The following NTM variants were observed in gnomAD, a reference collection of about 807,000 sequenced individuals.
NTM encodes the protein neurotrimin, also known as IgLON family member 2.
Under a neutral mutation model 42.1 loss-of-function variants are expected in NTM, and 13 were observed. That is an observed-to-expected ratio of 0.31 (90% CI 0.20 to 0.49). The LOEUF (loss-of-function observed/expected upper bound fraction) is 0.49. Ranked by LOEUF, NTM falls within the 20% of genes least tolerant of loss-of-function variation. NTM has a pLI of 0.99. For missense variants in NTM, 373 were observed against 452.8 expected (o/e 0.82, Z 1.60); for synonymous variants, 187 against 179.2 (o/e 1.04, Z -0.35).
intron 1 of NTM, among the ~76,000 whole-genome samples, chr11:131,905,162 G>A (rs2053678789): frequency 6.6e-6 from 1 of 152,180 alleles, no homozygotes; most frequent in African/African-American, 2.4e-5. Flanking sequence ...GCAGTACTGA[G>A]CAGTAGGTAC....
intron 1 of NTM, among the ~76,000 whole-genome samples, chr11:131,596,876 A>G (rs547453857): frequency 1.2e-4 from 18 of 152,240 alleles, no homozygotes; most frequent in Non-Finnish European, 1.6e-4. Flanking sequence ...ACAATAGGCC[A>G]TCTGCAGGCT....
intron 1 of NTM, among the ~76,000 whole-genome samples, chr11:131,789,840 C>T (rs1191876785): frequency 1.3e-5 from 2 of 150,400 alleles, no homozygotes; most frequent in Non-Finnish European, 3.0e-5. Context: ...CCTGTAGTCC[C>T]AGCTACACGG....
chr11:131,754,737 A>C (rs2083097883), intron 1 of NTM, among the ~76,000 whole-genome samples: 2 of 152,244 alleles, frequency 1.3e-5, no homozygotes, highest in Admixed American at 1.3e-4. Context: ...TTGTACACAA[A>C]TGTTCATAGC....
chr11:131,516,003 C>T (rs981979669), intron 1 of NTM, among the ~76,000 whole-genome samples: 6 of 152,162 alleles, frequency 3.9e-5, no homozygotes, highest in Non-Finnish European at 8.8e-5. Flanking sequence ...ACTTGCTAAA[C>T]TTTGTCACTT....
chr11:131,997,602 A>G (rs944476691), intron 2 of NTM, among the ~76,000 whole-genome samples: 5 of 152,166 alleles, frequency 3.3e-5, no homozygotes, highest in African/African-American at 4.8e-5. Context: ...TTTCTGAACC[A>G]TGTGGAACAC....
At chr11:132,298,893 TACACAC>T (rs58560034) in intron 4 of NTM, among the ~76,000 whole-genome samples, 2 of 151,178 alleles carry the variant, frequency 1.3e-5, no homozygotes, top group Non-Finnish European at 3.0e-5. Context: ...TATGTGTGTA[TACACAC>T]ACACACACAC....
At chr11:131,894,415 T>A (rs1347782073) in intron 1 of NTM, among the ~76,000 whole-genome samples, 4 of 152,168 alleles carry the variant, frequency 2.6e-5, no homozygotes, top group Non-Finnish European at 4.4e-5. Context: ...TTGGGAAGAT[T>A]TATGAGCTCT....
intron 2 of NTM, among the ~76,000 whole-genome samples, chr11:131,919,499 C>T (rs1027657762): frequency 1.3e-5 from 2 of 152,090 alleles, no homozygotes; most frequent in African/African-American, 4.8e-5. Flanking sequence ...ATCTCCAACA[C>T]ACAAGACCTT....
chr11:132,133,607 GAC>G (rs2067219903), intron 2 of NTM, among the ~76,000 whole-genome samples: 1 of 152,110 alleles, frequency 6.6e-6, no homozygotes, highest in South Asian at 2.1e-4. Context: ...AGAGACCCCT[GAC>G]ACACAGCCCT....
chr11:131,794,059 C>G (rs985116429), intron 1 of NTM, among the ~76,000 whole-genome samples: 1 of 152,222 alleles, frequency 6.6e-6, no homozygotes, highest in Non-Finnish European at 1.5e-5. Flanking sequence ...GGTGTAATCA[C>G]TTCAGACTAC....
chr11:132,039,118 C>T lies in NTM; in HGVS notation c.168-107164C>T, dbSNP rs918041063. ...ACTCTGCCCAGGGAGATGGGTGAGG[C>T]CCGGCCCTTTGGGCTTTGAGGTCTG... On this transcript the variant is annotated intron_variant, in intron 2 of 8. Coordinates refer to ENST00000683400, the MANE Select transcript of NTM (RefSeq NM_001352005.2). 2.0e-5 allele frequency among the ~76,000 whole-genome samples: 3 copies of T among 152,318 alleles called. No homozygotes were observed. The South Asian group carries it at 6.2e-4, about 32-fold the overall frequency.
intron 1 of NTM, among the ~76,000 whole-genome samples, chr11:131,410,517 C>CAAAAAAAAAAAAAAAAAAAAAA (rs1161389222): frequency 3.1e-5 from 1 of 32,754 alleles, no homozygotes; most frequent in Non-Finnish European, 5.0e-5. Context: ...AAACAATAAC[C>CAAAAAAAAAAAAAAAAAAAAAA]AAAAAAAAAA....
intron 2 of NTM, among the ~76,000 whole-genome samples, chr11:132,133,762 A>G (rs989531852): frequency 6.6e-6 from 1 of 152,168 alleles, no homozygotes; most frequent in African/African-American, 2.4e-5. Flanking sequence ...TCTGGCAGTG[A>G]TGGACTTCCC....
At chr11:131,725,993 C>T (rs945051839) in intron 1 of NTM, among the ~76,000 whole-genome samples, 7 of 152,144 alleles carry the variant, frequency 4.6e-5, no homozygotes, top group Non-Finnish European at 8.8e-5. Context: ...GAGGACCACA[C>T]TTTAAGATTT....
chr11:131,533,694 G>C (rs1347627164), intron 1 of NTM, among the ~76,000 whole-genome samples: 1 of 152,206 alleles, frequency 6.6e-6, no homozygotes, highest in Non-Finnish European at 1.5e-5. Flanking sequence ...AAATAAGGCA[G>C]GTTCTACATG....
intron 2 of NTM, among the ~76,000 whole-genome samples, chr11:132,059,899 A>G (rs1478233065): frequency 1.3e-5 from 2 of 151,656 alleles, no homozygotes; most frequent in Admixed American, 1.3e-4. Flanking sequence ...TGCCTCATGG[A>G]CTCCCCTCCT....
chr11:132,275,611 G>A (rs1477628364), intron 4 of NTM, among the ~76,000 whole-genome samples: 1 of 139,284 alleles, frequency 7.2e-6, no homozygotes, highest in Non-Finnish European at 1.6e-5. Context: ...GTTTTTTACT[G>A]GTGTTTGTTT....
chr11:132,084,934 G>A (rs747048083), intron 2 of NTM, among the ~76,000 whole-genome samples: 5 of 152,152 alleles, frequency 3.3e-5, no homozygotes, highest in Non-Finnish European at 5.9e-5. Context: ...TTGACCATGA[G>A]CTGAGATTCT....
intron 1 of NTM, among the ~76,000 whole-genome samples, chr11:131,559,682 C>A (rs1221600320): frequency 6.6e-6 from 1 of 152,208 alleles, no homozygotes; most frequent in Non-Finnish European, 1.5e-5. Flanking sequence ...ATGTATTTCT[C>A]TTTCAAATAG....
Sources: gnomAD v4.1 joint callset for allele counts (sites outside exome capture counted in the v4.1 genomes callset) on GRCh38, gnomAD v4.1.1 for gene constraint, MANE v1.5 for transcripts, NCBI Gene and HGNC (gene_info 2026-07-23, HGNC 2026-07-21) for gene names.